The following DCC variants were observed in gnomAD, a reference collection of about 807,000 sequenced individuals.
DCC encodes the protein DCC netrin 1 receptor, also known as netrin receptor DCC.
A neutral mutation model predicts 172.5 loss-of-function variants in DCC; 58 were observed. The ratio of observed to expected loss-of-function variants is 0.34; its 90% CI spans 0.27 to 0.42. The LOEUF is 0.42. DCC is among the 10% of genes least tolerant of loss of function. DCC has a pLI of 1.00. For missense variants in DCC, 1,740 were observed against 1,791.0 expected (o/e 0.97, Z 0.51); for synonymous variants, 709 against 644.5 (o/e 1.10, Z -1.52).
At chr18:52,591,665 C>T (rs1483537357) in intron 1 of DCC, among the ~76,000 whole-genome samples, 4 of 152,112 alleles carry the variant, frequency 2.6e-5, no homozygotes, top group East Asian at 1.9e-4. Flanking sequence ...TCACTGCAAC[C>T]TCGATCTCCT....
chr18:52,771,008 G>A (rs2145165808), intron 2 of DCC, among the ~76,000 whole-genome samples: 1 of 152,312 alleles, frequency 6.6e-6, no homozygotes, highest in South Asian at 2.1e-4. Context: ...GGCCTCCACA[G>A]GGGAAAATTA....
At chr18:52,553,241 T>C (rs1281482454) in intron 1 of DCC, among the ~76,000 whole-genome samples, 4 of 152,070 alleles carry the variant, frequency 2.6e-5, no homozygotes, top group South Asian at 2.1e-4. Context: ...CACACACACA[T>C]ATATGCTTTA....
chr18:53,111,245 GT>G (rs1176451861), intron 7 of DCC, among the ~76,000 whole-genome samples: 1 of 105,312 alleles, frequency 9.5e-6, no homozygotes, highest in African/African-American at 3.7e-5. Flanking sequence ...TCTGGGGACT[GT>G]TGTGGGGTGG....
At chr18:53,490,960 T>C (rs930107851) in intron 26 of DCC, among the ~76,000 whole-genome samples, 3 of 152,192 alleles carry the variant, frequency 2.0e-5, no homozygotes, top group African/African-American at 7.2e-5. Flanking sequence ...GGTGATATAT[T>C]CCGTCTTGAG....
At chr18:53,218,505 G>A (rs923808346) in intron 12 of DCC, among the ~76,000 whole-genome samples, 1 of 152,000 alleles carries the variant, frequency 6.6e-6, no homozygotes, top group Non-Finnish European at 1.5e-5. Context: ...TATCATTCTT[G>A]AAAACCCAGT....
At chr18:52,611,067 G>A (rs547882149) in intron 1 of DCC, among the ~76,000 whole-genome samples, 4 of 152,232 alleles carry the variant, frequency 2.6e-5, no homozygotes, top group African/African-American at 9.6e-5. Context: ...TTGTAGGTAT[G>A]TTTAATCAGT....
At chr18:52,963,114 A>T (rs186148809) in intron 5 of DCC, among the ~76,000 whole-genome samples, 421 of 151,816 alleles carry the variant, frequency 2.8e-3, no homozygotes, top group African/African-American at 6.9e-3. Flanking sequence ...TAATAAAATT[A>T]AAAAAATAAA....
At chr18:53,158,440 C>G (rs1200708581) in intron 8 of DCC, among the ~76,000 whole-genome samples, 1 of 152,276 alleles carries the variant, frequency 6.6e-6, no homozygotes, top group Non-Finnish European at 1.5e-5. Flanking sequence ...AGCAGGGATT[C>G]ATGTCCTAGG....
chr18:53,152,839 C>A (rs1374927051), intron 7 of DCC, among the ~76,000 whole-genome samples: 1 of 149,070 alleles, frequency 6.7e-6, no homozygotes. Flanking sequence ...AGATAAGAAG[C>A]CATTCCTTTG....
chr18:52,753,871 T>G (rs1317997576), intron 2 of DCC, among the ~76,000 whole-genome samples: 2 of 152,192 alleles, frequency 1.3e-5, no homozygotes, highest in Non-Finnish European at 2.9e-5. Context: ...TTTTACTTGT[T>G]TCTATAAAGA....
chr18:52,411,184 C>T (rs560755302), intron 1 of DCC, among the ~76,000 whole-genome samples: 1 of 152,242 alleles, frequency 6.6e-6, no homozygotes, highest in African/African-American at 2.4e-5. Flanking sequence ...ATTTCATATG[C>T]GGACTGCTTT....
chr18:53,081,594 T>C (rs2042804905), intron 7 of DCC, among the ~76,000 whole-genome samples: 1 of 152,120 alleles, frequency 6.6e-6, no homozygotes, highest in African/African-American at 2.4e-5. Context: ...GAACGTCACA[T>C]GTGCCTCATT....
chr18:52,469,426 A>G (rs1418238091), intron 1 of DCC, among the ~76,000 whole-genome samples: 9 of 152,196 alleles, frequency 5.9e-5, no homozygotes, highest in African/African-American at 1.7e-4. Context: ...CCAACAGTTT[A>G]TTTTAGACAA....
intron 1 of DCC, among the ~76,000 whole-genome samples, chr18:52,417,067 G>T (rs1598801437): frequency 6.6e-6 from 1 of 152,076 alleles, no homozygotes; most frequent in Non-Finnish European, 1.5e-5. Context: ...GGGCAGGCCT[G>T]GTGGTGACAA....
At chr18:52,420,318 C>A (rs1483613976) in intron 1 of DCC, among the ~76,000 whole-genome samples, 3 of 152,164 alleles carry the variant, frequency 2.0e-5, no homozygotes, top group African/African-American at 7.2e-5. Flanking sequence ...AATGCCCAGA[C>A]TGTGCTTACC....
At chr18:53,301,704 G>C (rs895222630) in intron 12 of DCC, among the ~76,000 whole-genome samples, 1 of 151,712 alleles carries the variant, frequency 6.6e-6, no homozygotes, top group African/African-American at 2.4e-5. Context: ...ATCATTTGTA[G>C]ATATCATCTA....
At chr18:52,791,472 G>GTTT (rs374755724) in intron 2 of DCC, among the ~76,000 whole-genome samples, 12 of 146,498 alleles carry the variant, frequency 8.2e-5, no homozygotes, top group African/African-American at 3.0e-4. Context: ...TTTGTGTTTT[G>GTTT]TTTTTTTTTT....
chr18:52,823,822 G>A (rs907547437), intron 2 of DCC, among the ~76,000 whole-genome samples: 2 of 152,088 alleles, frequency 1.3e-5, no homozygotes, highest in Non-Finnish European at 2.9e-5. Context: ...ATACATAATG[G>A]GGTGCCTGAG....
chr18:53,065,712 T>G (rs1422001407), intron 6 of DCC, among the ~76,000 whole-genome samples: 1 of 152,202 alleles, frequency 6.6e-6, no homozygotes, highest in Admixed American at 6.5e-5. Context: ...GAATGAGATT[T>G]CTTTTCATGG....
Sources: allele counts gnomAD v4.1 joint callset (sites outside exome capture counted in the v4.1 genomes callset), GRCh38; gene constraint gnomAD v4.1.1; transcripts MANE v1.5; gene names NCBI Gene and HGNC (gene_info 2026-07-23, HGNC 2026-07-21).